Variants in SEMA4C observed in about 807,000 individuals in gnomAD.
The protein encoded by SEMA4C is semaphorin 4C, also known as semaphorin-4C.
Under a neutral mutation model 89.0 loss-of-function variants are expected in SEMA4C, and 19 were observed. The ratio of observed to expected loss-of-function variants is 0.21; its 90% CI spans 0.15 to 0.31. The LOEUF is 0.31. Ranked by LOEUF, SEMA4C falls within the 10% of genes least tolerant of loss-of-function variation. The pLI is 1.00. For synonymous variants in SEMA4C, 428 were observed against 472.7 expected (o/e 0.91, Z 1.23); for missense variants, 811 against 1,107.0 (o/e 0.73, Z 3.79).
chr2:96,864,638 A>C lies in SEMA4C; in HGVS notation c.962+67T>G. The C allele has an allele frequency of 6.6e-7, 1 of 1,525,642 alleles. No individual in the cohort carries two copies. The highest frequency in any genetic ancestry group is 1.3e-5 in the South Asian group (1 of 78,444). 94.5% of individuals were successfully genotyped at this position (1,525,642 alleles called of 1,614,324 possible). ...CCTCTGAGGCCTGGTCCAGGCTCCC[A>C]CCCATGCACCGTCCCTGACCTGAAC... On this transcript the variant is annotated intron_variant, in intron 9 of 14. Transcript: ENST00000305476. The surrounding 1 kb of genome is among the most constrained non-coding windows in gnomAD (Gnocchi z 6.3).
chr2:96,864,726 A>G lies in SEMA4C; in HGVS notation c.941T>C (p.Phe314Ser). Residue 314 changes from phenylalanine to serine, a missense_variant, in exon 9 of 15, where the codon TTT becomes TCT. Around this residue, in one of 4 missense-constraint regions of SEMA4C, gnomAD observed 441 missense variants for 664.9 expected, o/e 0.66. Transcript: ENST00000305476. The surrounding 1 kb of genome is among the most constrained non-coding windows in gnomAD (Gnocchi z 6.3). The part of the protein sequence containing the change: ...QDTSWHNTTF[F>S]GVFQAQWGDM... Reference sequence around the variant, plus strand: ...TCACCACTGTGCTTGAAAAACCCCAAAGAAGGTGGTGTTGTGCCAGGAGGT... The same window carrying G: ...TCACCACTGTGCTTGAAAAACCCCAGAGAAGGTGGTGTTGTGCCAGGAGGT... 6.2e-7 allele frequency: 1 copy of G among 1,611,506 alleles called. No homozygotes were observed. Among genetic ancestry groups the G allele is most frequent in the Non-Finnish European group, 8.5e-7 (1 of 1,178,266 alleles).
At chr2:96,865,381 G>C in intron 6 of SEMA4C, 60 bp downstream of exon 6, 1 of 1,610,680 alleles carries the variant, frequency 6.2e-7, no homozygotes, top group African/African-American at 1.3e-5. Context: ...GGCCAACACA[G>C]ACCCAAGTGG....
chr2:96,867,662 C>T, intron 2 of SEMA4C, 116 bp downstream of exon 2: 2 of 1,115,244 alleles, frequency 1.8e-6, no homozygotes, highest in Non-Finnish European at 2.7e-6. Context: ...CCCGTTCTTC[C>T]AACTCGAGTT....
Position 96,867,903 on chromosome 2 carries a change from C to G in SEMA4C, c.-17G>C. 1 of 1,613,418 alleles carries G rather than the reference C, an allele frequency of 6.2e-7. No homozygotes were observed. The highest frequency in any genetic ancestry group is 8.5e-7 in the Non-Finnish European group (1 of 1,180,020). ...TGGGGCCATGGCGCACGCCCCGGCT[C>G]TGAGCTTCAGGCCAGCTGTCCTGCT... On this transcript the variant is annotated 5_prime_UTR_variant, in exon 2 of 15. Coordinates refer to ENST00000305476, the MANE Select transcript of SEMA4C (RefSeq NM_017789.5).
rs956983666 is a variant in SEMA4C at position 96,860,471 on chromosome 2, C to G, written c.*155G>C. On this transcript the variant is annotated 3_prime_UTR_variant, in exon 15 of 15. Transcript: ENST00000305476. ...GCCACACCAAGTGGCAGTGCCCGTG[C>G]TGAGCAGAGCAGGTCCTCATGGCCG... is the stretch of plus-strand genomic sequence containing the variant. 8 of 642,250 alleles carry G rather than the reference C, an allele frequency of 1.2e-5. No homozygotes were observed. The Admixed American group carries it at 2.3e-4, about 19-fold the overall frequency. 39.8% of individuals were successfully genotyped at this position (642,250 alleles called of 1,614,324 possible).
chr2:96,870,570 C>T (rs1047775616), upstream of SEMA4C: 6 of 985,384 alleles, frequency 6.1e-6, no homozygotes, highest in Non-Finnish European at 1.2e-6. Flanking sequence ...CCAATTCTGC[C>T]TCTTTCTAGG....
In SEMA4C at chr2:96,860,737, C is replaced by T. The variant is rs570634649; in HGVS notation, c.2391G>A (p.Glu797=). The change falls in exon 15 of 15, where the codon GAG becomes GAA. Residue 797 remains glutamate, a synonymous_variant. Coordinates refer to ENST00000305476, the MANE Select transcript of SEMA4C (RefSeq NM_017789.5). ...GGGGGTGCCCGAGCCCTCCCCGGTC[C>T]TCCCCTCCTAGTTGTAAGCGCACGT... ...NGYVRLQLGG[E]DRGGLGHPLP... is the part of the protein sequence containing the mutation. 1.5e-5 allele frequency: 25 copies of T among 1,613,874 alleles called. 1 individual carries two copies. The South Asian group carries it at 2.0e-4, about 13-fold the overall frequency.
At chr2:96,863,836 G>C (rs201608083) in intron 11 of SEMA4C, 42 bp from the exon 12 acceptor site, 2 of 1,605,050 alleles carry the variant, frequency 1.2e-6, no homozygotes, top group African/African-American at 1.3e-5. Flanking sequence ...GAGGGCACAA[G>C]GCCGTGGGGC....
rs76421455 is a variant in SEMA4C, at chr2:96,864,400, A to G, written c.963-18T>C. 301 of 1,612,280 alleles carry G rather than the reference A, an allele frequency of 1.9e-4. 2 individuals carry two copies. In the African/African-American group the frequency reaches 3.7e-3, roughly 20 times the overall value. The stretch of plus-strand genomic sequence containing the variant: ...TGTCACCCCTGTCACAGCGAGAGGG[A>G]GCCCAGGGTCAGGTACCCACCTTAT... On this transcript the variant is annotated intron_variant, in intron 9 of 14. Transcript: ENST00000305476. This position sits in a 1 kb window ranked among gnomAD's most constrained non-coding sequence, Gnocchi z 6.3.
chr2:96,864,647 C>T lies in SEMA4C; in HGVS notation c.962+58G>A. ...CCTGGTCCAGGCTCCCACCCATGCA[C>T]CGTCCCTGACCTGAACCCCAGCTCC... On this transcript the variant is annotated intron_variant, in intron 9 of 14. Coordinates refer to ENST00000305476, the MANE Select transcript of SEMA4C (RefSeq NM_017789.5). The surrounding 1 kb of genome is among the most constrained non-coding windows in gnomAD (Gnocchi z 6.3). 6.5e-7 allele frequency: 1 copy of T among 1,546,632 alleles called. No homozygotes were observed. Among genetic ancestry groups the T allele is most frequent in the South Asian group, 1.2e-5 (1 of 81,092 alleles).
At chr2:96,870,183 G>A, upstream of SEMA4C, 1 of 984,730 alleles carries the variant, frequency 1.0e-6, no homozygotes, top group Non-Finnish European at 1.2e-6. Flanking sequence ...AGGGGGCTGC[G>A]ACCCGCAGCG....
At chr2:96,863,823 TGA>T in intron 11 of SEMA4C, 29 bp from the exon 12 acceptor site, 1 of 1,609,962 alleles carries the variant, frequency 6.2e-7, no homozygotes, top group Non-Finnish European at 8.5e-7. Flanking sequence ...AAGGTGTAAA[TGA>T]GAGGGCACAA....
chr2:96,868,687 G>A (rs1188460743), intron 1 of SEMA4C: 7 of 985,380 alleles, frequency 7.1e-6, no homozygotes, highest in Non-Finnish European at 8.4e-6. Flanking sequence ...CGGAGGGGCG[G>A]TGGGGGGACC....
rs2079931459 is a variant in SEMA4C, at chr2:96,861,091, C to T, written c.2037G>A (p.Leu679=). The T allele has an allele frequency of 1.9e-6, 3 of 1,612,546 alleles. No homozygotes were observed. Among genetic ancestry groups the T allele is most frequent in the East Asian group, 4.5e-5 (2 of 44,880 alleles). Residue 679 remains leucine, a synonymous_variant, in exon 15 of 15, where the codon CTG becomes CTA. Transcript: ENST00000305476. The surrounding 1 kb of genome is among the most constrained non-coding windows in gnomAD (Gnocchi z 7.8). ...GGCGCAATGACAGCACCAGCAGCAG[C>T]AGCACCAGGCACACAGCCCCCAGGG... ...VVALGAVCLV[L]LLLVLSLRRR... is the part of the protein sequence containing the mutation.
upstream of SEMA4C, chr2:96,870,092 G>T (rs2080172014): frequency 9.3e-6 from 9 of 971,874 alleles, no homozygotes; most frequent in African/African-American, 1.8e-5. Context: ...GCGCGGCCGC[G>T]GCTCTCCGCC....
chr2:96,865,591 G>A (rs1188250014), intron 5 of SEMA4C, 54 bp from the exon 6 acceptor site: 1 of 1,573,648 alleles, frequency 6.4e-7, no homozygotes, highest in Non-Finnish European at 8.7e-7. Flanking sequence ...GGCTCTGTGG[G>A]CCACATCCAC....
At chr2:96,870,380 G>A, upstream of SEMA4C, 2 of 851,448 alleles carry the variant, frequency 2.3e-6, no homozygotes, top group Non-Finnish European at 2.8e-6. Flanking sequence ...ACACTCACCC[G>A]ATCTTTCTGA....
At position 96,864,197 on chromosome 2, in the gene SEMA4C, C is replaced by T. The variant is rs768508173; in HGVS notation, c.1107+41G>A. 2.4e-5 allele frequency: 38 copies of T among 1,612,890 alleles called. No individual in the cohort carries two copies. The highest frequency in any genetic ancestry group is 3.3e-4 in the Middle Eastern group (2 of 6,084). ...GGCCATCAGCAGGGTGGGATGGCAC[C>T]GCAGCTGGGTGGGGAGATGCATCCC... On this transcript the variant is annotated intron_variant, in intron 10 of 14. Transcript: ENST00000305476. The surrounding 1 kb of genome is among the most constrained non-coding windows in gnomAD (Gnocchi z 6.3).
At chr2:96,867,691 C>T in intron 2 of SEMA4C, 87 bp downstream of exon 2, 1 of 1,324,600 alleles carries the variant, frequency 7.5e-7, no homozygotes, top group Non-Finnish European at 1.1e-6. Flanking sequence ...AGCTGTGCCA[C>T]ACACGTGAGA....
Sources: gnomAD v4.1 joint callset for allele counts on GRCh38, gnomAD v4.1.1 for gene constraint, gnomAD v4.1.1 regional missense constraint, Gnocchi (gnomAD v3.1) non-coding constraint, MANE v1.5 for transcripts, NCBI Gene and HGNC (gene_info 2026-07-23, HGNC 2026-07-21) for gene names.